The following NRXN3 variants were observed in gnomAD, a reference collection of about 807,000 sequenced individuals.
The protein encoded by NRXN3 is neurexin III.
In NRXN3, 32 loss-of-function variants were observed where a neutral mutation model predicts 137.6. The observed-to-expected ratio is 0.23, with a 90% CI of 0.18 to 0.31. The LOEUF is 0.31. NRXN3 is among the 10% of genes least tolerant of loss of function. The probability of loss-of-function intolerance (pLI) is 1.00; values close to 1 mark genes in which losing one functional copy is unlikely to be tolerated. For synonymous variants in NRXN3, 798 were observed against 784.5 expected, an observed-to-expected ratio of 1.02 and a Z score of -0.29; for missense variants, 1,574 against 2,062.5, an observed-to-expected ratio of 0.76 and a Z score of 4.59.
intron 19 of NRXN3, among the ~76,000 whole-genome samples, chr14:79,742,307 T>C (rs12050371): frequency 0.02 from 3,055 of 152,280 alleles, 46 homozygotes; most frequent in East Asian, 0.085. Context: ...CTCTTGTTAA[T>C]TGAATTGAGA....
intron 4 of NRXN3, among the ~76,000 whole-genome samples, chr14:78,589,533 C>T (rs182653782): frequency 1.3e-5 from 2 of 152,328 alleles, no homozygotes; most frequent in African/African-American, 2.4e-5. Context: ...GTCTTCATGA[C>T]CCCTCCTGCC....
At chr14:78,393,115 C>T (rs753359122) in intron 4 of NRXN3, among the ~76,000 whole-genome samples, 4 of 151,628 alleles carry the variant, frequency 2.6e-5, no homozygotes, top group Non-Finnish European at 4.4e-5. Flanking sequence ...ATATTGTAAA[C>T]GGGGGCAAGG....
At chr14:79,596,474 G>A (rs184144424) in intron 16 of NRXN3, among the ~76,000 whole-genome samples, 158 of 152,204 alleles carry the variant, frequency 1.0e-3, no homozygotes, top group Admixed American at 2.7e-3. Context: ...ATCCCTGTAA[G>A]AGTTAAAGAA....
At chr14:78,176,405 G>A (rs207474981) in intron 1 of NRXN3, among the ~76,000 whole-genome samples, 2 of 144,754 alleles carry the variant, frequency 1.4e-5, no homozygotes, top group Non-Finnish European at 3.0e-5. Context: ...TTTAACACTC[G>A]GTATCTCATT....
intron 15 of NRXN3, among the ~76,000 whole-genome samples, chr14:79,149,572 C>T (rs2059616067): frequency 6.6e-6 from 1 of 152,152 alleles, no homozygotes; most frequent in South Asian, 2.1e-4. Flanking sequence ...TTCATTGTGG[C>T]ACTATTCACA....
At chr14:79,502,035 G>C (rs991704279) in intron 16 of NRXN3, among the ~76,000 whole-genome samples, 3 of 152,186 alleles carry the variant, frequency 2.0e-5, no homozygotes, top group African/African-American at 7.2e-5. Flanking sequence ...CCTTAGAAAA[G>C]AAGTCTGTGA....
At chr14:79,637,169 T>C (rs2098408272) in intron 16 of NRXN3, among the ~76,000 whole-genome samples, 1 of 152,196 alleles carries the variant, frequency 6.6e-6, no homozygotes, top group African/African-American at 2.4e-5. Context: ...TGTTTCATTG[T>C]CTGTAAAATG....
At chr14:78,328,408 A>G (rs1166088935) in intron 4 of NRXN3, among the ~76,000 whole-genome samples, 1 of 152,196 alleles carries the variant, frequency 6.6e-6, no homozygotes, top group Admixed American at 6.5e-5. Flanking sequence ...GAGTTGCATC[A>G]ATCATCATTA....
intron 15 of NRXN3, among the ~76,000 whole-genome samples, chr14:79,265,281 A>T (rs1209180433): frequency 7.5e-6 from 1 of 134,168 alleles, no homozygotes; most frequent in Non-Finnish European, 1.5e-5. Context: ...TTCTTTAACT[A>T]TAATGGAGGA....
chr14:78,228,248 C>A (rs1262930409), intron 1 of NRXN3, among the ~76,000 whole-genome samples: 1 of 151,476 alleles, frequency 6.6e-6, no homozygotes, highest in South Asian at 2.1e-4. Flanking sequence ...CCTCCGCCTC[C>A]CAGGTTCAAG....
chr14:78,827,899 A>G (rs187967685), intron 10 of NRXN3, among the ~76,000 whole-genome samples: 5 of 152,332 alleles, frequency 3.3e-5, no homozygotes, highest in Non-Finnish European at 7.3e-5. Context: ...GTTCTATTTA[A>G]CAGCATACAT....
intron 5 of NRXN3, among the ~76,000 whole-genome samples, chr14:78,647,452 A>G (rs1304130684): frequency 6.6e-6 from 1 of 152,216 alleles, no homozygotes; most frequent in Non-Finnish European, 1.5e-5. Flanking sequence ...CAGAAGGATT[A>G]TGAGCTCATC....
chr14:79,665,639 G>T (rs1446530834), intron 17 of NRXN3, among the ~76,000 whole-genome samples: 3 of 152,022 alleles, frequency 2.0e-5, no homozygotes, highest in Admixed American at 6.6e-5. Context: ...TTTCTGTTAG[G>T]AATTTCAAAG....
At chr14:79,341,463 T>G (rs918656782) in intron 15 of NRXN3, among the ~76,000 whole-genome samples, 1 of 151,962 alleles carries the variant, frequency 6.6e-6, no homozygotes, top group Non-Finnish European at 1.5e-5. Context: ...AAATGCAGAG[T>G]CTCAGGCCCC....
At chr14:79,021,409 G>T (rs183442765) in intron 15 of NRXN3, among the ~76,000 whole-genome samples, 22 of 152,242 alleles carry the variant, frequency 1.4e-4, no homozygotes, top group African/African-American at 5.3e-4. Flanking sequence ...TGAAGGGAGA[G>T]GAGAAAGTGC....
chr14:78,762,954 C>T (rs968276491), intron 8 of NRXN3, among the ~76,000 whole-genome samples: 3 of 152,132 alleles, frequency 2.0e-5, no homozygotes, highest in Non-Finnish European at 4.4e-5. Flanking sequence ...GTCCAGAGTT[C>T]TTCACCCTGA....
intron 3 of NRXN3, among the ~76,000 whole-genome samples, chr14:78,288,084 A>G (rs183299544): frequency 6.6e-6 from 1 of 151,990 alleles, no homozygotes; most frequent in Admixed American, 6.5e-5. Context: ...AGTTCAAGCG[A>G]TTCTCCTGCC....
chr14:79,743,171 T>C (rs2098968473), intron 19 of NRXN3, among the ~76,000 whole-genome samples: 1 of 152,204 alleles, frequency 6.6e-6, no homozygotes, highest in African/African-American at 2.4e-5. Flanking sequence ...ATAATAAAGG[T>C]ATTTTAAAGG....
At chr14:79,011,023 C>A (rs2099569977) in intron 15 of NRXN3, among the ~76,000 whole-genome samples, 1 of 152,156 alleles carries the variant, frequency 6.6e-6, no homozygotes, top group African/African-American at 2.4e-5. Context: ...CATGGCGATG[C>A]TAGTTACTAT....
Sources: allele counts gnomAD v4.1 joint callset (sites outside exome capture counted in the v4.1 genomes callset), GRCh38; gene constraint gnomAD v4.1.1; transcripts MANE v1.5; gene names NCBI Gene and HGNC (gene_info 2026-07-23, HGNC 2026-07-21).